The following FRY variants were observed in gnomAD, a reference collection of about 807,000 sequenced individuals.
FRY encodes the protein FRY microtubule binding protein, also known as protein furry homolog.
Under a neutral mutation model 348.4 loss-of-function variants are expected in FRY, and 128 were observed. The observed-to-expected ratio is 0.37, with a 90% CI of 0.32 to 0.43. The LOEUF (loss-of-function observed/expected upper bound fraction) is 0.43, where lower values mean the gene tolerates loss of function less well. Ranked by LOEUF, FRY falls within the 20% of genes least tolerant of loss-of-function variation. The pLI, the probability that FRY is intolerant of heterozygous loss-of-function variation, is 1.00. For synonymous variants in FRY, 1,370 were observed against 1,374.7 expected, an observed-to-expected ratio of 1.00 and a Z score of 0.08; for missense variants, 2,736 against 3,695.2, an observed-to-expected ratio of 0.74 and a Z score of 6.73.
intron 2 of FRY, 148 bp downstream of exon 2, chr13:32,079,181 G>C (rs1390901108): frequency 1.4e-6 from 1 of 725,358 alleles, no homozygotes; most frequent in Admixed American, 2.0e-5. Flanking sequence ...AAAGATAATA[G>C]TTAGGTTCCC....
rs1029345471 is a variant in FRY at position 32,296,297 on chromosome 13, C to G, written c.*837C>G. 6.6e-6 allele frequency: 1 copy of G among 152,446 alleles called. No homozygotes were observed. Among genetic ancestry groups the G allele is most frequent in the African/African-American group, 2.4e-5 (1 of 41,376 alleles). 9.4% of individuals were successfully genotyped at this position (152,446 alleles called of 1,614,324 possible). ...AGAAAACTATTCACAAGATAAATTC[C>G]AAGTCTTTTCACCTGTCAGGCATGC... On this transcript the variant is annotated 3_prime_UTR_variant, in exon 61 of 61. Transcript: ENST00000542859.
chr13:32,063,153 T>A (rs1593572647), intron 1 of FRY, among the ~76,000 whole-genome samples: 2 of 152,164 alleles, frequency 1.3e-5, no homozygotes, highest in Non-Finnish European at 2.9e-5. Flanking sequence ...TAATTTGCGA[T>A]GTTTATTTGT....
intron 29 of FRY, 31 bp from the exon 30 acceptor site, chr13:32,201,910 C>CT (rs779667524): frequency 8.4e-6 from 10 of 1,191,222 alleles, no homozygotes; most frequent in South Asian, 7.3e-5. Flanking sequence ...ATAAACCATG[C>CT]TTTTTTTGTT....
intron 3 of FRY, among the ~76,000 whole-genome samples, chr13:32,106,967 T>C (rs79261504): frequency 0.073 from 11,119 of 152,264 alleles, 531 homozygotes; most frequent in Admixed American, 0.12. Flanking sequence ...AAGCTAAAAC[T>C]TCATGTTTTC....
intron 49 of FRY, among the ~76,000 whole-genome samples, chr13:32,250,632 C>G (rs1887028275): frequency 6.6e-6 from 1 of 152,216 alleles, no homozygotes; most frequent in African/African-American, 2.4e-5. Flanking sequence ...GAGGCATAGC[C>G]TCACTTAGTG....
chr13:32,153,189 C>G (rs904910187), intron 14 of FRY, among the ~76,000 whole-genome samples: 1 of 152,082 alleles, frequency 6.6e-6, no homozygotes, highest in African/African-American at 2.4e-5. Context: ...TCAGCAATTC[C>G]ATCCCAAGAT....
rs527507537 is a variant in FRY at position 32,200,136 on chromosome 13, C to A, written c.3747-1805C>A. 3.3e-5 allele frequency among the ~76,000 whole-genome samples: 5 copies of A among 152,236 alleles called. No homozygotes were observed. The South Asian group carries it at 1.0e-3, about 32-fold the overall frequency. ...TCCATTAATCCATGAATAGATTAAT[C>A]CATTCATGAGGGCAGTCTCATGACC... On this transcript the variant is annotated intron_variant, in intron 29 of 60. Coordinates refer to ENST00000542859, the MANE Select transcript of FRY (RefSeq NM_023037.3).
At chr13:32,139,337 C>A (rs143683673) in intron 11 of FRY, among the ~76,000 whole-genome samples, 157 of 152,292 alleles carry the variant, frequency 1.0e-3, no homozygotes, top group African/African-American at 3.3e-3. Context: ...CACCTTTCTG[C>A]ACCCTTCCCT....
At chr13:32,233,841 G>A (rs1320124916) in intron 41 of FRY, among the ~76,000 whole-genome samples, 5 of 152,182 alleles carry the variant, frequency 3.3e-5, no homozygotes, top group Admixed American at 1.3e-4. Context: ...ACAACTGTAC[G>A]AGACAAGTTA....
At chr13:32,057,025 T>A (rs886555390) in intron 1 of FRY, among the ~76,000 whole-genome samples, 1 of 152,186 alleles carries the variant, frequency 6.6e-6, no homozygotes, top group African/African-American at 2.4e-5. Context: ...TTTTAAATGG[T>A]GACTTTTCCT....
rs748023017 is a variant in FRY at position 32,267,277 on chromosome 13, G to A, written c.8054G>A (p.Arg2685His). 8 of 1,614,056 alleles carry A rather than the reference G, an allele frequency of 5.0e-6. No individual in the cohort carries two copies. The highest frequency in any genetic ancestry group is 1.3e-5 in the African/African-American group (1 of 75,058). The change falls in exon 55 of 61, where the codon CGC becomes CAC. Residue 2685 changes from arginine to histidine, a missense_variant. Around this residue, in one of 9 missense-constraint regions of FRY, gnomAD observed 789 missense variants for 996.2 expected, o/e 0.79. Coordinates refer to ENST00000542859, the MANE Select transcript of FRY (RefSeq NM_023037.3). Reference sequence around the variant, plus strand: ...TGTGACGATGCCGAGGAGGCCTGGCGCAGCCACATCAACCAGCTTATGTGT... The same window carrying A: ...TGTGACGATGCCGAGGAGGCCTGGCACAGCCACATCAACCAGCTTATGTGT... ...AACDDAEEAW[R>H]SHINQLMCDS...
At chr13:32,063,015 G>A (rs939176522) in intron 1 of FRY, among the ~76,000 whole-genome samples, 1 of 151,842 alleles carries the variant, frequency 6.6e-6, no homozygotes, top group Non-Finnish European at 1.5e-5. Context: ...CTTGTGTATA[G>A]GTATATAATT....
chr13:32,116,226 C>A (rs1385563397), intron 3 of FRY, among the ~76,000 whole-genome samples: 4 of 152,030 alleles, frequency 2.6e-5, no homozygotes, highest in African/African-American at 9.7e-5. Context: ...AGATGTTATG[C>A]CTGTTTTTTT....
intron 1 of FRY, among the ~76,000 whole-genome samples, chr13:32,061,530 A>C (rs765058882): frequency 2.0e-5 from 3 of 152,214 alleles, no homozygotes; most frequent in Admixed American, 6.5e-5. Context: ...TAATAGCATC[A>C]TATTTAATAT....
rs529793499 is a variant in FRY at position 32,175,650 on chromosome 13, T to G, written c.2421+18T>G. 1 of 1,338,118 alleles carries G rather than the reference T, an allele frequency of 7.5e-7. No homozygotes were observed. Among genetic ancestry groups the G allele is most frequent in the African/African-American group, 1.4e-5 (1 of 69,868 alleles). 82.9% of individuals were successfully genotyped at this position (1,338,118 alleles called of 1,614,324 possible). ...CGGATTCAGTAAGTACACATTTGAT[T>G]CCAATTAATGGCTCTTAAAAGCTCT... On this transcript the variant is annotated intron_variant, in intron 20 of 60. Transcript: ENST00000542859.
chr13:32,278,358 T>C (rs1037918135), intron 57 of FRY, 107 bp from the exon 58 acceptor site: 2 of 736,322 alleles, frequency 2.7e-6, no homozygotes, highest in Admixed American at 3.8e-5. Flanking sequence ...ACAATTTCAT[T>C]TTACTATTAT....
At chr13:32,068,150 T>A (rs1874377025) in intron 1 of FRY, among the ~76,000 whole-genome samples, 2 of 152,176 alleles carry the variant, frequency 1.3e-5, no homozygotes, top group Admixed American at 6.5e-5. Context: ...TTTTTGAAGT[T>A]AAGATTTAAA....
intron 8 of FRY, among the ~76,000 whole-genome samples, chr13:32,134,078 T>C (rs1459656051): frequency 3.3e-5 from 5 of 152,214 alleles, no homozygotes; most frequent in African/African-American, 1.2e-4. Context: ...GGCATCTGGC[T>C]GCCCTGGACT....
chr13:32,244,251 G>A, intron 47 of FRY, 69 bp downstream of exon 47: 7 of 1,431,922 alleles, frequency 4.9e-6, no homozygotes, highest in Non-Finnish European at 6.9e-6. Flanking sequence ...CCTGTAGCTT[G>A]GCTACAAAAC....
Sources: gnomAD v4.1 joint callset for allele counts (sites outside exome capture counted in the v4.1 genomes callset) on GRCh38, gnomAD v4.1.1 for gene constraint, gnomAD v4.1.1 regional missense constraint, MANE v1.5 for transcripts, NCBI Gene and HGNC (gene_info 2026-07-23, HGNC 2026-07-21) for gene names.